Variants in EML2 observed in about 807,000 individuals in gnomAD.
EML2 encodes EMAP like 2, also known as echinoderm microtubule-associated protein-like 2.
Under a neutral mutation model 84.7 loss-of-function variants are expected in EML2, and 59 were observed. The ratio of observed to expected loss-of-function variants is 0.70; its 90% CI spans 0.56 to 0.86. The LOEUF (loss-of-function observed/expected upper bound fraction) is 0.86. Ranked by LOEUF, EML2 falls within the 40% of genes least tolerant of loss-of-function variation. The pLI is 0.00. For missense variants in EML2, 818 were observed against 855.6 expected, an observed-to-expected ratio of 0.96 and a Z score of 0.55; for synonymous variants, 352 against 348.9, an observed-to-expected ratio of 1.01 and a Z score of -0.10.
Position 45,616,533 on chromosome 19 carries a change from G to A in EML2, c.1437C>T (p.Ser479=). The A allele has an allele frequency of 6.2e-7, 1 of 1,610,884 alleles. No homozygotes were observed. Among genetic ancestry groups the A allele is most frequent in the South Asian group, 1.1e-5 (1 of 90,972 alleles). The change falls in exon 15 of 19, where the codon TCC becomes TCT. Residue 479 remains serine (S), a synonymous_variant. Coordinates refer to ENST00000245925, the MANE Select transcript of EML2 (RefSeq NM_012155.4). Reference sequence around the variant, plus strand: ...TGTACACGTACACCAAGTTGTCGTGGGAGCCCACGGCCAGGTACGCCCCGT... The same window carrying A: ...TGTACACGTACACCAAGTTGTCGTGAGAGCCCACGGCCAGGTACGCCCCGT... ...SPDGAYLAVG[S]HDNLVYVYTV... is the part of the protein sequence containing the mutation.
rs575424015 is a variant in EML2, at chr19:45,620,991, A to G, written c.1122+216T>C. 2.5e-5 allele frequency: 17 copies of G among 687,656 alleles called. No homozygotes were observed. In the East Asian group the frequency reaches 4.7e-4, roughly 19 times the overall value. The allele number at this position is 687,656 out of a possible 1,614,324, so 42.6% of individuals were successfully genotyped here. On this transcript the variant is annotated intron_variant, in intron 11 of 18. Transcript: ENST00000245925. ...CCCAATCAGAGTGGCAGGAGGCAGC[A>G]CAGTTGGAGCAGGGGCCTGGGGCCC...
intron 7 of EML2, among the ~76,000 whole-genome samples, chr19:45,629,631 T>C (rs1310581446): frequency 6.6e-6 from 1 of 151,372 alleles, no homozygotes; most frequent in East Asian, 1.9e-4. Flanking sequence ...GCCTTTTTTT[T>C]TTTTTTTTAA....
chr19:45,641,979 G>A (rs1368099432), upstream of EML2: 4 of 1,445,008 alleles, frequency 2.8e-6, no homozygotes, highest in East Asian at 2.5e-5. Flanking sequence ...CCACCCACGC[G>A]CCGCGGGGGT....
chr19:45,617,152 A>T (rs1401888270), intron 13 of EML2, among the ~76,000 whole-genome samples: 1 of 152,042 alleles, frequency 6.6e-6, no homozygotes, highest in Non-Finnish European at 1.5e-5. Context: ...AGGCTGAGGC[A>T]CGAGAATTGC....
Position 45,621,342 on chromosome 19 carries a change from C to A in EML2, c.997-10G>T. Reference sequence around the variant, plus strand: ...CAAAGTCCTCAGGGACCTGGGTGGACAGATAAGAGGGAAGATGAGTAGGAT... The same window carrying A: ...CAAAGTCCTCAGGGACCTGGGTGGAAAGATAAGAGGGAAGATGAGTAGGAT... On this transcript the variant is annotated splice_polypyrimidine_tract_variant and intron_variant, in intron 10 of 18. Coordinates refer to ENST00000245925, the MANE Select transcript of EML2 (RefSeq NM_012155.4). 6.3e-7 allele frequency: 1 copy of A among 1,595,800 alleles called. No homozygotes were observed. Among genetic ancestry groups the A allele is most frequent in the South Asian group, 1.1e-5 (1 of 88,944 alleles).
rs1274080241 is a variant in EML2 at position 45,619,078 on chromosome 19, C to G, written c.1236G>C (p.Leu412=). The change falls in exon 12 of 19, where the codon CTG becomes CTC. Residue 412 remains leucine, a synonymous_variant. Transcript: ENST00000245925. The stretch of plus-strand genomic sequence containing the variant: ...CCCTTACCTCGATGATCCTGCTCCA[C>G]AGGGGCTGGTGGGAATCTGAGCTCC... ...HLWSSDSHQP[L]WSRIIEDPAR... The G allele has an allele frequency of 6.2e-7, 1 of 1,612,806 alleles. No individual in the cohort carries two copies.
At chr19:45,618,166 C>T (rs1047523162) in intron 12 of EML2, among the ~76,000 whole-genome samples, 4 of 151,870 alleles carry the variant, frequency 2.6e-5, no homozygotes, top group African/African-American at 4.8e-5. Flanking sequence ...TGGGTTCAAG[C>T]GATTCTCCTG....
In EML2 at chr19:45,614,682, T is replaced by C; in HGVS notation, c.1616A>G (p.Lys539Arg). ...EILYWDPATCKQITSADAVRN... is the reference protein window; with the variant it reads ...EILYWDPATCRQITSADAVRN... The stretch of plus-strand genomic sequence containing the variant: ...CACAGCATCCGCACTGGTGATCTGC[T>C]TACAGGTAGCCGGGTCCCCTGGGGC... The change falls in exon 17 of 19, where the codon AAG (lysine) becomes AGG (arginine). Residue 539 changes from lysine (K) to arginine (R), a missense_variant. Lys to Arg is a conservative substitution (Grantham distance 26, BLOSUM62 2). Transcript: ENST00000245925. The C allele has an allele frequency of 1.9e-6, 3 of 1,613,970 alleles. No homozygotes were observed. Among genetic ancestry groups the C allele is most frequent in the Non-Finnish European group, 2.5e-6 (3 of 1,179,878 alleles).
At chr19:45,618,132 C>G (rs1258552405) in intron 12 of EML2, among the ~76,000 whole-genome samples, 1 of 151,916 alleles carries the variant, frequency 6.6e-6, no homozygotes, top group East Asian at 1.9e-4. Flanking sequence ...GGCACGGTCT[C>G]AGCTCACTAC....
intron 8 of EML2, 64 bp from the exon 9 acceptor site, chr19:45,624,882 A>G (rs1972124779): frequency 8.2e-7 from 1 of 1,214,380 alleles, no homozygotes. Context: ...CCCAGAGGTC[A>G]TCTGTCACCC....
chr19:45,628,205 A>T (rs1972594245), intron 7 of EML2, among the ~76,000 whole-genome samples: 1 of 151,148 alleles, frequency 6.6e-6, no homozygotes, highest in Non-Finnish European at 1.5e-5. Context: ...CCCCATCTCT[A>T]CTAAAGATAC....
intron 12 of EML2, chr19:45,618,719 C>A: frequency 6.4e-6 from 1 of 156,490 alleles, no homozygotes; most frequent in Non-Finnish European, 1.4e-5. Context: ...GAGGCCGAGG[C>A]GGGCGGATCA....
chr19:45,626,514 C>T (rs1972346375), intron 8 of EML2, among the ~76,000 whole-genome samples, 191 bp downstream of exon 8: 1 of 151,514 alleles, frequency 6.6e-6, no homozygotes, highest in Non-Finnish European at 1.5e-5. Context: ...GCCCGGTCAC[C>T]CTCTTAACTC....
Position 45,609,547 on chromosome 19 carries a change from G to T in EML2, c.*116C>A. On this transcript the variant is annotated 3_prime_UTR_variant, in exon 19 of 19. Transcript: ENST00000245925. ...CTTCTGTATGTCAGTCTACCCTCCC[G>T]CCCCCATAACCCCCTCTGCTATAGA... The T allele has an allele frequency of 4.1e-6, 2 of 482,576 alleles. No individual in the cohort carries two copies. The highest frequency in any genetic ancestry group is 2.2e-5 in the African/African-American group (1 of 45,158). 29.9% of individuals were successfully genotyped at this position (482,576 alleles called of 1,614,324 possible).
chr19:45,612,678 CAAAAATA>C (rs1014307317), intron 18 of EML2, among the ~76,000 whole-genome samples: 3 of 150,342 alleles, frequency 2.0e-5, no homozygotes, highest in African/African-American at 7.4e-5. Context: ...GACCCTGTCT[CAAAAATA>C]AAAAATAAAA....
chr19:45,641,439 C>T (rs1424278772), upstream of EML2: 1 of 585,196 alleles, frequency 1.7e-6, no homozygotes, highest in Non-Finnish European at 3.0e-6. Flanking sequence ...CCACGCCCCT[C>T]AATATTGACT....
Position 45,624,791 on chromosome 19 carries a change from A to C in EML2, c.769T>G (p.Cys257Gly). The change falls in exon 9 of 19, where the codon TGT becomes GGT. Residue 257 changes from cysteine (C) to glycine (G), a missense_variant. By Grantham distance (159) the Cys-to-Gly change is radical. Coordinates refer to ENST00000245925, the MANE Select transcript of EML2 (RefSeq NM_012155.4). The stretch of plus-strand genomic sequence containing the variant: ...TCGCCACCTTCCAAAAAGGTCACAC[A>C]CAGCACATACTTCGGTTTCTCATGT... ...EKHEKPKYVL[C>G]VTFLEGGDVV... 1 of 1,613,700 alleles carries C rather than the reference A, an allele frequency of 6.2e-7. No homozygotes were observed. Among genetic ancestry groups the C allele is most frequent in the South Asian group, 1.1e-5 (1 of 91,032 alleles).
chr19:45,638,963 G>A, intron 1 of EML2, 90 bp from the exon 2 acceptor site: 1 of 1,499,648 alleles, frequency 6.7e-7, no homozygotes. Flanking sequence ...CCGCTCCCCG[G>A]AGGTCTCCGA....
At chr19:45,643,972 T>A (rs551655712), upstream of EML2, among the ~76,000 whole-genome samples, 17 of 152,264 alleles carry the variant, frequency 1.1e-4, no homozygotes, top group African/African-American at 4.1e-4. Context: ...AGTAGGAGTG[T>A]GCAGAGACAC....
Sources: allele counts gnomAD v4.1 joint callset (sites outside exome capture counted in the v4.1 genomes callset), GRCh38; gene constraint gnomAD v4.1.1; transcripts MANE v1.5; gene names NCBI Gene and HGNC (gene_info 2026-07-23, HGNC 2026-07-21).